GLIS3: variants seen among roughly 807,000 people sequenced by gnomAD.
GLIS3 encodes zinc finger protein GLIS3.
In GLIS3, 53 loss-of-function variants were observed where a neutral mutation model predicts 78.6. The observed-to-expected ratio is 0.67, with a 90% CI of 0.54 to 0.85. The LOEUF is 0.85. Ranked by LOEUF, GLIS3 falls within the 40% of genes least tolerant of loss-of-function variation. The pLI, the probability that GLIS3 is intolerant of heterozygous loss-of-function variation, is 0.00. For synonymous variants in GLIS3, 684 were observed against 509.9 expected (o/e 1.34, Z -4.60); for missense variants, 1,703 against 1,231.1 (o/e 1.38, Z -5.74).
chr9:4,149,710 ATTC>A (rs1834518351), intron 2 of GLIS3, among the ~76,000 whole-genome samples: 1 of 152,206 alleles, frequency 6.6e-6, no homozygotes, highest in South Asian at 2.1e-4. Context: ...ATAACATGAA[ATTC>A]ATTTGTTATC....
At chr9:4,281,175 T>C (rs569836398) in intron 2 of GLIS3, among the ~76,000 whole-genome samples, 2 of 152,378 alleles carry the variant, frequency 1.3e-5, no homozygotes, top group South Asian at 2.1e-4. Flanking sequence ...GTGTGTTAAA[T>C]TGTGCACTCT....
intron 2 of GLIS3, among the ~76,000 whole-genome samples, chr9:4,342,600 A>T (rs1288592030): frequency 6.6e-6 from 1 of 152,202 alleles, no homozygotes; most frequent in Non-Finnish European, 1.5e-5. Context: ...GTTCCATATG[A>T]ATACTATAAT....
At chr9:4,204,377 G>A (rs1181956721) in intron 2 of GLIS3, among the ~76,000 whole-genome samples, 2 of 152,152 alleles carry the variant, frequency 1.3e-5, no homozygotes, top group Non-Finnish European at 2.9e-5. Flanking sequence ...TTAGGTCTGA[G>A]AGTAAGAGAC....
chr9:3,900,372 T>TACAA (rs1048066312), intron 6 of GLIS3, among the ~76,000 whole-genome samples: 19 of 152,256 alleles, frequency 1.2e-4, no homozygotes, highest in Admixed American at 7.8e-4. Context: ...TGAATATTGG[T>TACAA]ACAAACAGTC....
chr9:4,402,779 G>A, the GLIS3 span, among the ~76,000 whole-genome samples: 7 of 151,928 alleles, frequency 4.6e-5, no homozygotes, highest in South Asian at 6.3e-4. Flanking sequence ...CACACAGAAG[G>A]GGAAAGAAAG....
chr9:3,998,774 A>T (rs1229762339), intron 4 of GLIS3, among the ~76,000 whole-genome samples: 1 of 148,442 alleles, frequency 6.7e-6, no homozygotes, highest in Non-Finnish European at 1.5e-5. Context: ...AATAATATTA[A>T]ATATTAATAA....
intron 1 of GLIS3, among the ~76,000 whole-genome samples, chr9:4,297,256 T>C (rs890596529): frequency 2.6e-4 from 39 of 152,340 alleles, no homozygotes; most frequent in African/African-American, 9.1e-4. Context: ...AACCAGACTT[T>C]GCATTTGTCT....
intron 2 of GLIS3, among the ~76,000 whole-genome samples, chr9:4,230,282 G>A (rs183722851): frequency 4.2e-4 from 64 of 152,282 alleles, no homozygotes; most frequent in Non-Finnish European, 8.1e-4. Flanking sequence ...AAAGTGGGGC[G>A]AAGGTCAATG....
intron 2 of GLIS3, among the ~76,000 whole-genome samples, chr9:4,337,697 T>C (rs1817774311): frequency 6.6e-6 from 1 of 152,062 alleles, no homozygotes; most frequent in East Asian, 1.9e-4. Context: ...TTCTACCATA[T>C]CACAAGGCCA....
chr9:3,918,397 C>T (rs1824659401), intron 6 of GLIS3, among the ~76,000 whole-genome samples: 2 of 152,106 alleles, frequency 1.3e-5, no homozygotes. Context: ...GACAGTGTCT[C>T]CCTCCTGATC....
intron 2 of GLIS3, among the ~76,000 whole-genome samples, chr9:4,234,870 C>G (rs1822571005): frequency 6.6e-6 from 1 of 152,192 alleles, no homozygotes; most frequent in African/African-American, 2.4e-5. Context: ...CTATGGACCT[C>G]TTAGTCCAAG....
the GLIS3 span, among the ~76,000 whole-genome samples, chr9:4,431,360 A>G: frequency 6.6e-6 from 1 of 152,220 alleles, no homozygotes; most frequent in Non-Finnish European, 1.5e-5. Flanking sequence ...ACTGGAAAAA[A>G]TAACTAGGAG....
chr9:4,166,745 G>A (rs1346882677), intron 2 of GLIS3, among the ~76,000 whole-genome samples: 2 of 152,222 alleles, frequency 1.3e-5, no homozygotes, highest in Admixed American at 1.3e-4. Flanking sequence ...GAAGGCATAA[G>A]TGAACAGAGG....
intron 2 of GLIS3, among the ~76,000 whole-genome samples, chr9:4,165,347 A>G (rs961269436): frequency 4.7e-4 from 72 of 152,228 alleles, no homozygotes; most frequent in African/African-American, 1.6e-3. Context: ...AGGCTGAGGC[A>G]GGAGAACCGC....
At chr9:3,895,438 G>A (rs1281727554) in intron 7 of GLIS3, among the ~76,000 whole-genome samples, 1 of 152,160 alleles carries the variant, frequency 6.6e-6, no homozygotes, top group Non-Finnish European at 1.5e-5. Flanking sequence ...TCAGGAGCAG[G>A]CTTGGGGAGG....
the GLIS3 span, among the ~76,000 whole-genome samples, chr9:4,470,629 A>G: frequency 6.6e-6 from 1 of 152,142 alleles, no homozygotes; most frequent in African/African-American, 2.4e-5. Context: ...TATCTATGAC[A>G]AACCCACAGC....
intron 9 of GLIS3, among the ~76,000 whole-genome samples, chr9:3,850,379 A>G (rs1302184521): frequency 6.6e-6 from 1 of 152,232 alleles, no homozygotes; most frequent in Non-Finnish European, 1.5e-5. Flanking sequence ...CTGTCTGGAC[A>G]GCAGCTAGGC....
At chr9:4,321,416 C>T (rs981337285) in intron 2 of GLIS3, among the ~76,000 whole-genome samples, 16 of 27,800 alleles carry the variant, frequency 5.8e-4, no homozygotes, top group South Asian at 2.6e-3. Flanking sequence ...AGCTAGACTC[C>T]GTCTCAAAAA....
the GLIS3 span, among the ~76,000 whole-genome samples, chr9:4,371,339 C>T: frequency 0.12 from 18,601 of 152,134 alleles, 1,439 homozygotes; most frequent in Middle Eastern, 0.29. Flanking sequence ...GGGCTGTCCC[C>T]GAAGGCCCAC....
Sources: allele counts gnomAD v4.1 joint callset (sites outside exome capture counted in the v4.1 genomes callset), GRCh38; gene constraint gnomAD v4.1.1; transcripts MANE v1.5; gene names NCBI Gene and HGNC (gene_info 2026-07-23, HGNC 2026-07-21).